Variants in KALRN observed in about 807,000 individuals in gnomAD.
KALRN encodes the protein kalirin RhoGEF kinase, also known as kalirin.
A neutral mutation model predicts 353.7 loss-of-function variants in KALRN; 70 were observed. The observed-to-expected ratio is 0.20, with a 90% confidence interval of 0.16 to 0.24. The LOEUF is 0.24. KALRN is among the 10% of genes least tolerant of loss of function. The probability of loss-of-function intolerance (pLI) is 1.00; values close to 1 mark genes in which losing one functional copy is unlikely to be tolerated. For missense variants in KALRN, 2,791 were observed against 3,756.7 expected, an observed-to-expected ratio of 0.74 and a Z score of 6.72; for synonymous variants, 1,391 against 1,434.8, an observed-to-expected ratio of 0.97 and a Z score of 0.69.
chr3:124,183,968 A>G (rs551488833), intron 1 of KALRN, among the ~76,000 whole-genome samples: 2 of 152,242 alleles, frequency 1.3e-5, no homozygotes, highest in African/African-American at 2.4e-5. Context: ...AATGAATGCC[A>G]TAATCACCAT....
At chr3:124,239,744 G>T (rs2332767) in intron 3 of KALRN, among the ~76,000 whole-genome samples, 10,132 of 152,224 alleles carry the variant, frequency 0.067, 962 homozygotes, top group East Asian at 0.46. Context: ...GGTAAAAACT[G>T]CAAGGGTTTC....
intron 35 of KALRN, 128 bp from the exon 36 acceptor site, chr3:124,633,724 C>A: frequency 5.7e-6 from 4 of 705,212 alleles, no homozygotes; most frequent in South Asian, 5.6e-5. Flanking sequence ...GAGGAAATTG[C>A]GACTGAACAG....
chr3:124,620,836 A>G (rs1368076880), intron 34 of KALRN, among the ~76,000 whole-genome samples: 1 of 152,228 alleles, frequency 6.6e-6, no homozygotes, highest in Non-Finnish European at 1.5e-5. Flanking sequence ...ATTACACAGG[A>G]GAACCCGAGG....
intron 46 of KALRN, 65 bp from the exon 47 acceptor site, chr3:124,666,947 G>A (rs912314025): frequency 3.1e-5 from 46 of 1,489,990 alleles, no homozygotes; most frequent in Middle Eastern, 3.6e-4. Flanking sequence ...TTGAGGAAGA[G>A]TAATATGTTG....
intron 11 of KALRN, among the ~76,000 whole-genome samples, chr3:124,388,404 A>G (rs1380549170): frequency 6.6e-6 from 1 of 152,092 alleles, no homozygotes; most frequent in African/African-American, 2.4e-5. Context: ...AGCACTGTAT[A>G]TACCTCACAC....
intron 1 of KALRN, among the ~76,000 whole-genome samples, chr3:124,041,936 C>G (rs2040006854): frequency 6.6e-6 from 1 of 152,152 alleles, no homozygotes; most frequent in Non-Finnish European, 1.5e-5. Context: ...TTAGCTTTGT[C>G]TCCTCCCCAT....
intron 34 of KALRN, among the ~76,000 whole-genome samples, chr3:124,605,684 C>A (rs923925294): frequency 6.6e-6 from 1 of 151,930 alleles, no homozygotes; most frequent in Non-Finnish European, 1.5e-5. Flanking sequence ...GACTTTGAAG[C>A]TCCATAGACC....
At position 124,368,553 on chromosome 3, in the gene KALRN, G is replaced by C. The variant is rs1337820895; in HGVS notation, c.1771-16292G>C. Among the ~76,000 whole-genome samples, 178 of 149,852 alleles carry C rather than the reference G, an allele frequency of 1.2e-3. 1 individual carries two copies. The highest frequency in any genetic ancestry group is 4.4e-3 in the African/African-American group (177 of 40,678). On this transcript the variant is annotated intron_variant, in intron 10 of 59. Coordinates refer to ENST00000682506, the MANE Select transcript of KALRN (RefSeq NM_001388419.1). ...ACTTCCTAGATGGGATGGCGGCCGG[G>C]CGGAGACGCTCCTCACTTTCCAGAC... is the stretch of plus-strand genomic sequence containing the variant.
chr3:124,468,659 C>T (rs967680626), intron 25 of KALRN, among the ~76,000 whole-genome samples: 15 of 152,348 alleles, frequency 9.8e-5, no homozygotes, highest in Admixed American at 9.8e-4. Flanking sequence ...CTCCCTTGCT[C>T]TATAGAAACT....
chr3:124,569,208 G>C (rs2073230073), intron 34 of KALRN, among the ~76,000 whole-genome samples: 1 of 152,114 alleles, frequency 6.6e-6, no homozygotes, highest in Non-Finnish European at 1.5e-5. Context: ...TAGAGGAGAG[G>C]GACAGTGGCC....
At chr3:124,522,638 C>T (rs2067260949) in intron 33 of KALRN, among the ~76,000 whole-genome samples, 1 of 152,146 alleles carries the variant, frequency 6.6e-6, no homozygotes, top group African/African-American at 2.4e-5. Context: ...GGCTGCACCC[C>T]CGGAGTTTGT....
chr3:124,719,297 G>A lies in KALRN; in HGVS notation c.8788G>A (p.Ala2930Thr). The change falls in exon 60 of 60, where the codon GCC becomes ACC. Residue 2930 changes from alanine (A) to threonine (T), a missense_variant. Ala to Thr is a moderately conservative substitution (Grantham distance 58, BLOSUM62 0). Around this residue, in one of 11 missense-constraint regions of KALRN, gnomAD observed 188 missense variants for 402.9 expected, o/e 0.47. Transcript: ENST00000682506. This position sits in a 1 kb window ranked among gnomAD's most constrained non-coding sequence, Gnocchi z 5.3. ...QEDFRRRPTA[A>T]TCLQHPWLQP... Reference sequence around the variant, plus strand: ...AGATTTTCGGAGGCGGCCCACAGCAGCCACATGCTTGCAGCATCCATGGCT... The same window carrying A: ...AGATTTTCGGAGGCGGCCCACAGCAACCACATGCTTGCAGCATCCATGGCT... The A allele has an allele frequency of 6.2e-7, 1 of 1,614,222 alleles. No individual in the cohort carries two copies. The highest frequency in any genetic ancestry group is 8.5e-7 in the Non-Finnish European group (1 of 1,180,046).
At chr3:124,233,730 C>T (rs1172104261) in intron 2 of KALRN, among the ~76,000 whole-genome samples, 4 of 152,120 alleles carry the variant, frequency 2.6e-5, no homozygotes, top group Non-Finnish European at 4.4e-5. Flanking sequence ...TGTAAGAGAT[C>T]CTTGTTTTCC....
At chr3:124,658,393 A>T in intron 41 of KALRN, 38 bp from the exon 42 acceptor site, 1 of 1,484,384 alleles carries the variant, frequency 6.7e-7, no homozygotes, top group Non-Finnish European at 9.4e-7. Flanking sequence ...AAGACACAAG[A>T]TGCCTGACTG....
chr3:124,392,786 T>A (rs1036054400), intron 11 of KALRN, among the ~76,000 whole-genome samples: 1 of 145,086 alleles, frequency 6.9e-6, no homozygotes, highest in Admixed American at 7.0e-5. Flanking sequence ...TGTATTTTTT[T>A]TTATTTTTTT....
At position 124,082,145 on chromosome 3, in the gene KALRN, G is replaced by A. The variant is rs1400439752; in HGVS notation, c.73+48332G>A. The A allele has an allele frequency of 2.2e-5, 9 of 411,042 alleles. No homozygotes were observed. The Middle Eastern group carries it at 1.2e-3, about 53-fold the overall frequency. The allele number at this position is 411,042 out of a possible 1,614,324, so 25.5% of individuals were successfully genotyped here. A position where few individuals can be genotyped will look rare whatever the true frequency, so the allele number is the denominator to read the frequency against. On this transcript the variant is annotated intron_variant, in intron 1 of 59. Transcript: ENST00000682506. The stretch of plus-strand genomic sequence containing the variant: ...TGGATGCCCAGCTGCAATTGCATCA[G>A]GCTGCATGGCTTCCCGGGCTGGGGT...
chr3:124,085,541 G>T (rs1003729804), intron 1 of KALRN, among the ~76,000 whole-genome samples: 2 of 152,208 alleles, frequency 1.3e-5, no homozygotes, highest in Non-Finnish European at 2.9e-5. Context: ...CACTTGAACA[G>T]GTGGATAAGT....
chr3:124,048,991 GGCTGT>G (rs2040783513), intron 1 of KALRN, among the ~76,000 whole-genome samples: 1 of 152,134 alleles, frequency 6.6e-6, no homozygotes, highest in Non-Finnish European at 1.5e-5. Flanking sequence ...TGTAGGTTTG[GGCTGT>G]TTTCTCTGCC....
Position 124,496,321 on chromosome 3 carries a change from G to C in KALRN, c.4843G>C (p.Glu1615Gln). The change falls in exon 33 of 60, where the codon GAG becomes CAG. Residue 1615 changes from glutamate (E) to glutamine (Q), a missense_variant. Around this residue, in one of 11 missense-constraint regions of KALRN, gnomAD observed 239 missense variants for 351.3 expected, o/e 0.68. Coordinates refer to ENST00000682506, the MANE Select transcript of KALRN (RefSeq NM_001388419.1). Reference protein sequence around the residue: ...QRNNSKRDGVEDIDSQGDGSS... With the variant: ...QRNNSKRDGVQDIDSQGDGSS... Reference sequence around the variant, plus strand: ...CTCTTCTTCCTGCAGGGATGGAGTGGAGGATATTGACAGCCAGGGGGATGG... The same window carrying C: ...CTCTTCTTCCTGCAGGGATGGAGTGCAGGATATTGACAGCCAGGGGGATGG... The C allele has an allele frequency of 6.2e-7, 1 of 1,613,002 alleles. No individual in the cohort carries two copies. The highest frequency in any genetic ancestry group is 8.5e-7 in the Non-Finnish European group (1 of 1,179,516).
Sources: gnomAD v4.1 joint callset for allele counts (sites outside exome capture counted in the v4.1 genomes callset) on GRCh38, gnomAD v4.1.1 for gene constraint, gnomAD v4.1.1 regional missense constraint, Gnocchi (gnomAD v3.1) non-coding constraint, MANE v1.5 for transcripts, NCBI Gene and HGNC (gene_info 2026-07-23, HGNC 2026-07-21) for gene names.